MYH9: variants seen among roughly 807,000 people sequenced by gnomAD.
The protein encoded by MYH9 is myosin heavy chain 9, also known as myosin-9.
MYH9 carries 29 observed loss-of-function variants against 241.9 expected under a neutral mutation model. The observed-to-expected ratio is 0.12, with a 90% CI of 0.09 to 0.16. The LOEUF (loss-of-function observed/expected upper bound fraction) is 0.16. Ranked by LOEUF, MYH9 falls within the 10% of genes least tolerant of loss-of-function variation. MYH9 has a pLI of 1.00. For synonymous variants in MYH9, 1,047 were observed against 1,062.6 expected (o/e 0.99, Z 0.29); for missense variants, 1,803 against 2,595.5 (o/e 0.69, Z 6.63).
chr22:36,307,767 A>G (rs574505782), intron 15 of MYH9, among the ~76,000 whole-genome samples: 16 of 152,258 alleles, frequency 1.1e-4, no homozygotes, highest in African/African-American at 3.4e-4. Context: ...GGGTGCCTGT[A>G]ATCCTAGCTA....
Position 36,295,477 on chromosome 22 carries a change from T to G in MYH9, c.3485+28A>C. 6.2e-7 allele frequency: 1 copy of G among 1,603,146 alleles called. No individual in the cohort carries two copies. Among genetic ancestry groups the G allele is most frequent in the Non-Finnish European group, 8.5e-7 (1 of 1,174,426 alleles). On this transcript the variant is annotated intron_variant, in intron 26 of 40. Transcript: ENST00000216181. The surrounding 1 kb of genome is among the most constrained non-coding windows in gnomAD (Gnocchi z 4.1). ...AAGGCCCCCCTGGCTGCCCTCCCCA[T>G]CCCGAGGGACTTGGTCCCAGGGCAC...
intron 40 of MYH9, among the ~76,000 whole-genome samples, chr22:36,283,560 A>T (rs937078494): frequency 1.0e-4 from 15 of 150,478 alleles, no homozygotes; most frequent in African/African-American, 3.2e-4. Context: ...CAAAAAAAAT[A>T]AAAAAAACAC....
At chr22:36,325,164 G>A (rs560058179) in intron 5 of MYH9, 1 of 744,702 alleles carries the variant, frequency 1.3e-6, no homozygotes, top group African/African-American at 1.7e-5. Context: ...GGGAGAGAGG[G>A]ATGGAGAGAG....
At chr22:36,322,058 C>A (rs889428622) in intron 6 of MYH9, 1 of 595,674 alleles carries the variant, frequency 1.7e-6, no homozygotes, top group Non-Finnish European at 3.0e-6. Context: ...TGATCCCACA[C>A]CCAGGTTCCT....
At chr22:36,333,325 C>T (rs1451124910) in intron 3 of MYH9, among the ~76,000 whole-genome samples, 6 of 152,208 alleles carry the variant, frequency 3.9e-5, no homozygotes, top group Non-Finnish European at 8.8e-5. Context: ...AAAGGCATGT[C>T]GGTGACTGTT....
intron 3 of MYH9, among the ~76,000 whole-genome samples, chr22:36,338,580 G>C (rs1011064765): frequency 2.0e-5 from 3 of 151,594 alleles, no homozygotes; most frequent in African/African-American, 7.3e-5. Flanking sequence ...AGCACTTTGG[G>C]AGGCCGAGGC....
chr22:36,338,344 G>A (rs1477015789), intron 3 of MYH9, among the ~76,000 whole-genome samples: 3 of 152,130 alleles, frequency 2.0e-5, no homozygotes, highest in Non-Finnish European at 4.4e-5. Flanking sequence ...GTCAGTCAAT[G>A]TGGGAGCTCA....
chr22:36,367,931 GC>G (rs1355478057), intron 1 of MYH9, among the ~76,000 whole-genome samples: 1 of 152,138 alleles, frequency 6.6e-6, no homozygotes, highest in Non-Finnish European at 1.5e-5. Context: ...ACAGACACGT[GC>G]AAAGATCTGT....
At chr22:36,367,492 C>CG (rs2146412755) in intron 1 of MYH9, among the ~76,000 whole-genome samples, 1 of 152,298 alleles carries the variant, frequency 6.6e-6, no homozygotes, top group South Asian at 2.1e-4. Flanking sequence ...CTGCATTCCC[C>CG]GGGGGAAATG....
intron 1 of MYH9, among the ~76,000 whole-genome samples, chr22:36,362,471 C>T (rs911873156): frequency 4.6e-5 from 7 of 152,154 alleles, no homozygotes; most frequent in African/African-American, 1.7e-4. Flanking sequence ...AACTTCAGGA[C>T]CACAGAGACA....
chr22:36,347,752 G>A (rs1248855656), intron 2 of MYH9, among the ~76,000 whole-genome samples: 3 of 147,230 alleles, frequency 2.0e-5, no homozygotes, highest in Non-Finnish European at 4.5e-5. Context: ...GGTGGATCAC[G>A]AGGTCAGGAG....
chr22:36,288,457 G>T lies in MYH9; in HGVS notation c.4771-44C>A. ...ACAACTTGGGAAGCTGGACCCACTGGGAGACCCTGCCCTAGCTCTGAACTC... is the reference window on the plus strand; with the variant it reads ...ACAACTTGGGAAGCTGGACCCACTGTGAGACCCTGCCCTAGCTCTGAACTC... On this transcript the variant is annotated intron_variant, in intron 33 of 40. Transcript: ENST00000216181. This position sits in a 1 kb window ranked among gnomAD's most constrained non-coding sequence, Gnocchi z 4.8. The T allele has an allele frequency of 6.2e-7, 1 of 1,602,014 alleles. No individual in the cohort carries two copies. The highest frequency in any genetic ancestry group is 8.5e-7 in the Non-Finnish European group (1 of 1,179,526).
chr22:36,348,096 ATTT>A (rs1330672332), intron 2 of MYH9, among the ~76,000 whole-genome samples: 1 of 147,596 alleles, frequency 6.8e-6, no homozygotes, highest in Non-Finnish European at 1.5e-5. Context: ...ATTTTAAGAT[ATTT>A]TTTAAAATAT....
At chr22:36,324,430 C>T (rs1287544192) in intron 5 of MYH9, among the ~76,000 whole-genome samples, 1 of 152,276 alleles carries the variant, frequency 6.6e-6, no homozygotes, top group African/African-American at 2.4e-5. Context: ...AGCTCGTACA[C>T]AAATAACAGA....
intron 38 of MYH9, among the ~76,000 whole-genome samples, 173 bp from the exon 39 acceptor site, chr22:36,284,684 T>C (rs1286255343): frequency 6.6e-6 from 1 of 152,008 alleles, no homozygotes; most frequent in Non-Finnish European, 1.5e-5. Context: ...GCACTGCAAA[T>C]AGCCCCATTT....
rs150645785 is a variant in MYH9, at chr22:36,362,520, G to A, written c.-19-13265C>T. Among the ~76,000 whole-genome samples the A allele has an allele frequency of 2.9e-3, 448 of 152,118 alleles. 3 individuals are homozygous for A. The highest frequency in any genetic ancestry group is 0.01 in the African/African-American group (429 of 41,506). ...TCAGCACAGAAACCATTTCTGAGTC[G>A]CTCTGTTGCCCGGGCTGGAGTGCAG... is the stretch of plus-strand genomic sequence containing the variant. On this transcript the variant is annotated intron_variant, in intron 1 of 40. Transcript: ENST00000216181.
Position 36,306,091 on chromosome 22 carries a change from C to A in MYH9, c.2038-40G>T. On this transcript the variant is annotated intron_variant, in intron 16 of 40. Coordinates refer to ENST00000216181, the MANE Select transcript of MYH9 (RefSeq NM_002473.6). This position sits in a 1 kb window ranked among gnomAD's most constrained non-coding sequence, Gnocchi z 4.1. ...ACATGCATGCGGTCTCACTTCCGTG[C>A]CTAGAACAGTCGGAGAATAGTCAGG... The A allele has an allele frequency of 6.2e-7, 1 of 1,610,786 alleles. No individual in the cohort carries two copies. Among genetic ancestry groups the A allele is most frequent in the Non-Finnish European group, 8.5e-7 (1 of 1,179,936 alleles).
At chr22:36,290,860 G>T (rs1244923360) in intron 31 of MYH9, among the ~76,000 whole-genome samples, 1 of 151,612 alleles carries the variant, frequency 6.6e-6, no homozygotes, top group African/African-American at 2.4e-5. Context: ...GAGGTGAGGA[G>T]CATCTCTGCC....
chr22:36,319,918 C>T (rs1332125775), intron 9 of MYH9: 2 of 607,652 alleles, frequency 3.3e-6, no homozygotes, highest in East Asian at 5.6e-5. Flanking sequence ...TTCTTCCACA[C>T]TCCCCGAGAC....
Sources: allele counts gnomAD v4.1 joint callset (sites outside exome capture counted in the v4.1 genomes callset), GRCh38; gene constraint gnomAD v4.1.1; non-coding constraint Gnocchi (gnomAD v3.1); transcripts MANE v1.5; gene names NCBI Gene and HGNC (gene_info 2026-07-23, HGNC 2026-07-21).